The following FAM161A variants were observed in gnomAD, a reference collection of about 807,000 sequenced individuals.
The protein encoded by FAM161A is FAM161 centrosomal protein A, also known as protein FAM161A.
In FAM161A, 57 loss-of-function variants were observed where a neutral mutation model predicts 70.9. That is an observed-to-expected ratio of 0.80 (90% CI 0.65 to 1.00). The LOEUF is 1.00. Among genes scored for constraint, FAM161A ranks in the 50% least tolerant of loss-of-function variants. The probability of loss-of-function intolerance (pLI) is 0.00; values close to 1 mark genes in which losing one functional copy is unlikely to be tolerated. For missense variants in FAM161A, 880 were observed against 836.0 expected, an observed-to-expected ratio of 1.05 and a Z score of -0.65; for synonymous variants, 299 against 295.7, an observed-to-expected ratio of 1.01 and a Z score of -0.12.
At chr2:61,833,671 C>G (rs62148140) in intron 5 of FAM161A, among the ~76,000 whole-genome samples, 26,044 of 151,900 alleles carry the variant, frequency 0.17, 2,671 homozygotes, top group Middle Eastern at 0.29. Flanking sequence ...GATAAAAGAA[C>G]AGTTGAAAGA....
At chr2:61,818,591 T>G in the FAM161A span, among the ~76,000 whole-genome samples, 1 of 152,206 alleles carries the variant, frequency 6.6e-6, no homozygotes, top group South Asian at 2.1e-4. Context: ...TTTAAAAATT[T>G]TAATGATGGT....
intron 1 of FAM161A, among the ~76,000 whole-genome samples, chr2:61,843,171 T>A (rs1048949401): frequency 2.0e-5 from 3 of 151,998 alleles, no homozygotes; most frequent in African/African-American, 7.2e-5. Context: ...CGAGACGGAG[T>A]CTCACTCTGT....
intron 5 of FAM161A, among the ~76,000 whole-genome samples, chr2:61,832,260 C>CCAACAA: frequency 8.0e-6 from 1 of 124,848 alleles, no homozygotes; most frequent in East Asian, 3.0e-4. Context: ...CAAAAAAAAA[C>CCAACAA]CAACAACAAC....
chr2:61,817,174 A>C, the FAM161A span, among the ~76,000 whole-genome samples: 2 of 152,238 alleles, frequency 1.3e-5, no homozygotes, highest in Non-Finnish European at 2.9e-5. Flanking sequence ...CTTTCTTCGC[A>C]TGGAATTTGG....
intron 5 of FAM161A, among the ~76,000 whole-genome samples, chr2:61,828,670 A>T (rs1360330244): frequency 6.6e-6 from 1 of 152,174 alleles, no homozygotes; most frequent in Non-Finnish European, 1.5e-5. Flanking sequence ...TTTACTCTTT[A>T]TAAGCCATAT....
chr2:61,832,741 T>A (rs1165882638), intron 5 of FAM161A, among the ~76,000 whole-genome samples: 1 of 152,198 alleles, frequency 6.6e-6, no homozygotes, highest in African/African-American at 2.4e-5. Context: ...CTAGGTTGCA[T>A]GCTCCTTATG....
chr2:61,823,097 G>A (rs1196594372), downstream of FAM161A, among the ~76,000 whole-genome samples: 1 of 151,418 alleles, frequency 6.6e-6, no homozygotes, highest in South Asian at 2.1e-4. Context: ...CACTTTGGGA[G>A]GCCGAGGCAG....
chr2:61,800,351 T>A, the FAM161A span, among the ~76,000 whole-genome samples: 1 of 152,210 alleles, frequency 6.6e-6, no homozygotes, highest in Non-Finnish European at 1.5e-5. Flanking sequence ...AATTACCATG[T>A]CTTTACCAAA....
chr2:61,835,837 C>T (rs1199466165), intron 5 of FAM161A, 173 bp downstream of exon 5: 3 of 621,882 alleles, frequency 4.8e-6, no homozygotes, highest in South Asian at 3.9e-5. Context: ...GCTAAATGCT[C>T]GGATTTAAGC....
chr2:61,813,942 A>G, the FAM161A span, among the ~76,000 whole-genome samples: 2 of 152,312 alleles, frequency 1.3e-5, no homozygotes, highest in East Asian at 1.9e-4. Context: ...CATCACAACA[A>G]TTATGACCGA....
the FAM161A span, among the ~76,000 whole-genome samples, chr2:61,804,768 G>GAGAAAGAAAGA: frequency 8.4e-6 from 1 of 118,952 alleles, no homozygotes; most frequent in Non-Finnish European, 1.7e-5. Context: ...GAAAAAGAAA[G>GAGAAAGAAAGA]AGAAAGAAAG....
the FAM161A span, among the ~76,000 whole-genome samples, chr2:61,802,450 C>T: frequency 6.6e-6 from 1 of 152,110 alleles, no homozygotes; most frequent in Admixed American, 6.6e-5. Context: ...CTTCCACATC[C>T]CCACATTCTA....
rs1346886397 is a variant in FAM161A, at chr2:61,848,980, ATATATT to A, written c.183+4873_183+4878del. 3.6e-3 allele frequency among the ~76,000 whole-genome samples: 39 copies of A among 10,696 alleles called. 12 individuals carry two copies. The highest frequency in any genetic ancestry group is 7.3e-3 in the African/African-American group (13 of 1,780). The allele number at this position is 10,696 out of a possible 152,430, so 7.0% of individuals were successfully genotyped here. A position where few individuals can be genotyped will look rare whatever the true frequency, so the allele number is the denominator to read the frequency against. On this transcript the variant is annotated intron_variant, in intron 1 of 6. Coordinates refer to ENST00000404929, the MANE Select transcript of FAM161A (RefSeq NM_001201543.2). ...TATATATTTATATATATATATATTT[ATATATT>A]TATATATATTTATATATATATTTAT...
chr2:61,800,623 TCATAAAGTAAC>T, the FAM161A span, among the ~76,000 whole-genome samples: 1 of 152,222 alleles, frequency 6.6e-6, no homozygotes, highest in East Asian at 1.9e-4. Flanking sequence ...CCAGATCATG[TCATAAAGTAAC>T]CCCAACTACA....
At position 61,827,454 on chromosome 2, in the gene FAM161A, C is replaced by T. The variant is rs1412232396; in HGVS notation, c.1852-196G>A. Among the ~76,000 whole-genome samples the T allele has an allele frequency of 5.3e-5, 8 of 151,716 alleles. No individual in the cohort carries two copies. In the East Asian group the frequency reaches 1.5e-3, roughly 29 times the overall value. On this transcript the variant is annotated intron_variant, in intron 5 of 6. Coordinates refer to ENST00000404929, the MANE Select transcript of FAM161A (RefSeq NM_001201543.2). ...TGAAACCCCGTCTCTACTAAAAATA[C>T]AAAAAATTAGCCGGGCGTGGTGGTG...
At chr2:61,839,023 C>T (rs1273475213) in intron 3 of FAM161A, among the ~76,000 whole-genome samples, 6 of 151,800 alleles carry the variant, frequency 4.0e-5, no homozygotes, top group East Asian at 1.9e-4. Context: ...GCTGGGATTA[C>T]AGGCACCCGC....
At chr2:61,830,683 CAAAAAAAAAAA>C (rs10633119) in intron 5 of FAM161A, among the ~76,000 whole-genome samples, 1 of 82,122 alleles carries the variant, frequency 1.2e-5, no homozygotes, top group Admixed American at 1.6e-4. Flanking sequence ...GACCCTGTCT[CAAAAAAAAAAA>C]AAAAAAAAAA....
chr2:61,831,223 T>A (rs1035958781), intron 5 of FAM161A, among the ~76,000 whole-genome samples: 2 of 152,170 alleles, frequency 1.3e-5, no homozygotes, highest in Non-Finnish European at 2.9e-5. Context: ...CTTTCTTTCT[T>A]GTATTATAGT....
At chr2:61,806,920 C>T in the FAM161A span, among the ~76,000 whole-genome samples, 1 of 151,796 alleles carries the variant, frequency 6.6e-6, no homozygotes, top group Non-Finnish European at 1.5e-5. Flanking sequence ...TCTTGATCTC[C>T]TGACCTCATG....
Sources: gnomAD v4.1 joint callset for allele counts (sites outside exome capture counted in the v4.1 genomes callset) on GRCh38, gnomAD v4.1.1 for gene constraint, MANE v1.5 for transcripts, NCBI Gene and HGNC (gene_info 2026-07-23, HGNC 2026-07-21) for gene names.